KRABD2: variants seen among roughly 807,000 people sequenced by gnomAD.
KRABD2 encodes the protein KRAB domain containing 2.
At chr17:8,370,031 AAAC>A in the KRABD2 span, 6 of 1,614,130 alleles carry the variant, frequency 3.7e-6, no homozygotes, top group Non-Finnish European at 3.4e-6. Flanking sequence ...GAAGAATATC[AAAC>A]AACTCTTCCT....
At chr17:8,369,312 T>A in the KRABD2 span, 1 of 1,614,278 alleles carries the variant, frequency 6.2e-7, no homozygotes, top group Non-Finnish European at 8.5e-7. Flanking sequence ...TTCTTCCGTT[T>A]GTAAAGTAGC....
chr17:8,376,645 G>C, the KRABD2 span: 1 of 985,540 alleles, frequency 1.0e-6, no homozygotes. Flanking sequence ...AGGAGAAAGG[G>C]ACACACCAGA....
chr17:8,376,673 C>T, the KRABD2 span: 1 of 984,682 alleles, frequency 1.0e-6, no homozygotes, highest in South Asian at 4.7e-5. Flanking sequence ...TCTGAATCCC[C>T]CTCCACCCAG....
chr17:8,364,297 G>A, the KRABD2 span, among the ~76,000 whole-genome samples: 1 of 152,158 alleles, frequency 6.6e-6, no homozygotes, highest in Non-Finnish European at 1.5e-5. This position sits in a 1 kb window ranked among gnomAD's most constrained non-coding sequence, Gnocchi z 4.4. Context: ...TGATTGAAAT[G>A]CCACTTCTAT....
At chr17:8,375,498 C>T in the KRABD2 span, among the ~76,000 whole-genome samples, 1 of 151,704 alleles carries the variant, frequency 6.6e-6, no homozygotes, top group Non-Finnish European at 1.5e-5. Context: ...CTTGCCCACT[C>T]CTGCACATTT....
chr17:8,374,161 G>C, the KRABD2 span, among the ~76,000 whole-genome samples: 1 of 152,264 alleles, frequency 6.6e-6, no homozygotes, highest in Non-Finnish European at 1.5e-5. Context: ...CCATGGTGAC[G>C]ATGGCGGTTG....
chr17:8,371,850 A>C, the KRABD2 span: 1 of 1,040,764 alleles, frequency 9.6e-7, no homozygotes, highest in Non-Finnish European at 1.2e-6. Context: ...CCTGCAGAAA[A>C]GAGATACCCC....
the KRABD2 span, chr17:8,376,339 T>C: frequency 8.2e-7 from 1 of 1,213,924 alleles, no homozygotes; most frequent in Non-Finnish European, 1.0e-6. Flanking sequence ...AGTTTCCTCA[T>C]CTACAACCCG....
At chr17:8,359,024 T>C in the KRABD2 span, among the ~76,000 whole-genome samples, 4 of 152,354 alleles carry the variant, frequency 2.6e-5, no homozygotes, top group East Asian at 7.7e-4. Flanking sequence ...TGGTTCCCAG[T>C]GTCTCTAGCC....
chr17:8,364,924 C>T, the KRABD2 span, among the ~76,000 whole-genome samples: 3 of 151,948 alleles, frequency 2.0e-5, no homozygotes, highest in South Asian at 6.2e-4. This position sits in a 1 kb window ranked among gnomAD's most constrained non-coding sequence, Gnocchi z 4.4. Flanking sequence ...ATCCCAGCTA[C>T]TCAGGAGGCT....
At chr17:8,376,572 G>GGGCTGAAC in the KRABD2 span, 2 of 986,914 alleles carry the variant, frequency 2.0e-6, no homozygotes, top group Non-Finnish European at 2.4e-6. Context: ...CGCCAGCTCA[G>GGGCTGAAC]GGCTGAACGG....
the KRABD2 span, among the ~76,000 whole-genome samples, chr17:8,366,193 C>G: frequency 2.0e-5 from 3 of 152,130 alleles, no homozygotes; most frequent in Non-Finnish European, 4.4e-5. Flanking sequence ...GTGCCCATTT[C>G]TGTAGAATCA....
chr17:8,370,907 G>A, the KRABD2 span, among the ~76,000 whole-genome samples: 3 of 152,078 alleles, frequency 2.0e-5, no homozygotes, highest in Non-Finnish European at 2.9e-5. Context: ...AGTGGCTCAC[G>A]CCTGTAATCC....
the KRABD2 span, among the ~76,000 whole-genome samples, chr17:8,370,736 A>G: frequency 1.3e-5 from 2 of 152,250 alleles, no homozygotes; most frequent in African/African-American, 4.8e-5. Context: ...CTAAGGCAGT[A>G]GGCTAAAATC....
the KRABD2 span, chr17:8,375,821 T>C: frequency 3.0e-6 from 3 of 1,004,330 alleles, no homozygotes; most frequent in South Asian, 5.1e-5. Flanking sequence ...GTGTGATCTA[T>C]GTGACGGCTA....
At chr17:8,364,733 A>T in the KRABD2 span, among the ~76,000 whole-genome samples, 3 of 148,240 alleles carry the variant, frequency 2.0e-5, no homozygotes, top group African/African-American at 4.9e-5. The surrounding 1 kb of genome is among the most constrained non-coding windows in gnomAD (Gnocchi z 4.4). Context: ...GCAATTAATT[A>T]AAAAAAAAAA....
the KRABD2 span, chr17:8,368,836 C>T: frequency 2.9e-3 from 908 of 308,326 alleles, 7 homozygotes; most frequent in African/African-American, 0.018. Context: ...AGGGTTTCAT[C>T]ATGTTGGCCA....
chr17:8,360,019 G>A, the KRABD2 span: 1 of 364,310 alleles, frequency 2.7e-6, no homozygotes, highest in African/African-American at 2.1e-5. Context: ...GTGAATCCCA[G>A]AGGAAAGGCT....
chr17:8,359,579 G>A, the KRABD2 span: 1 of 455,924 alleles, frequency 2.2e-6, no homozygotes, highest in Non-Finnish European at 4.4e-6. Flanking sequence ...AAACTGACAG[G>A]CTAGAGAAGG....
Sources: gnomAD v4.1 joint callset for allele counts (sites outside exome capture counted in the v4.1 genomes callset) on GRCh38, gnomAD v4.1.1 for gene constraint, Gnocchi (gnomAD v3.1) non-coding constraint, MANE v1.5 for transcripts, NCBI Gene and HGNC (gene_info 2026-07-23, HGNC 2026-07-21) for gene names.